CDK5RAP2: variants seen among roughly 807,000 people sequenced by gnomAD.
CDK5RAP2 encodes the protein CDK5 regulatory subunit-associated protein 2.
In CDK5RAP2, 147 loss-of-function variants were observed where a neutral mutation model predicts 232.9. The observed-to-expected ratio is 0.63, with a 90% CI of 0.55 to 0.72. CDK5RAP2 has a LOEUF of 0.72. Ranked by LOEUF, CDK5RAP2 falls within the 30% of genes least tolerant of loss-of-function variation. The pLI is 0.00. For synonymous variants in CDK5RAP2, 833 were observed against 833.7 expected (o/e 1.00, Z 0.01); for missense variants, 2,195 against 2,231.5 (o/e 0.98, Z 0.33).
At chr9:120,537,520 A>G (rs1176508755) in intron 6 of CDK5RAP2, among the ~76,000 whole-genome samples, 1 of 152,158 alleles carries the variant, frequency 6.6e-6, no homozygotes, top group Non-Finnish European at 1.5e-5. Flanking sequence ...CTGAGCAAGG[A>G]GCTTCATTCG....
chr9:120,433,483 GAAAC>G (rs2035397435), intron 25 of CDK5RAP2, among the ~76,000 whole-genome samples: 1 of 152,192 alleles, frequency 6.6e-6, no homozygotes, highest in South Asian at 2.1e-4. Context: ...GGTGAAAGAA[GAAAC>G]TGAGGCAAGG....
At chr9:120,436,864 G>A (rs1423936743) in intron 25 of CDK5RAP2, among the ~76,000 whole-genome samples, 2 of 151,940 alleles carry the variant, frequency 1.3e-5, no homozygotes, top group African/African-American at 2.4e-5. Context: ...CTTTTTAACT[G>A]ATAAAAATTT....
chr9:120,506,138 G>C (rs940077646), intron 12 of CDK5RAP2, among the ~76,000 whole-genome samples: 3 of 152,152 alleles, frequency 2.0e-5, no homozygotes, highest in African/African-American at 7.2e-5. Flanking sequence ...TAATGCAGCT[G>C]GTAACTTTAA....
At chr9:120,425,216 G>A (rs2034819336) in intron 25 of CDK5RAP2, among the ~76,000 whole-genome samples, 1 of 152,140 alleles carries the variant, frequency 6.6e-6, no homozygotes, top group Admixed American at 6.5e-5. Flanking sequence ...CGAGGAGCTT[G>A]CAACAACTCA....
intron 20 of CDK5RAP2, among the ~76,000 whole-genome samples, chr9:120,455,587 C>T (rs532585904): frequency 2.2e-4 from 34 of 151,812 alleles, no homozygotes; most frequent in African/African-American, 8.0e-4. Context: ...CAAAAAAATA[C>T]AAAAAATTAG....
At chr9:120,414,995 A>G (rs1400222806) in intron 28 of CDK5RAP2, 45 bp downstream of exon 28, 11 of 1,608,612 alleles carry the variant, frequency 6.8e-6, no homozygotes, top group Non-Finnish European at 9.4e-6. Flanking sequence ...GTCACAGTGA[A>G]GCACTCACAG....
At chr9:120,556,997 TA>T (rs1484430837) in intron 3 of CDK5RAP2, among the ~76,000 whole-genome samples, 1 of 152,194 alleles carries the variant, frequency 6.6e-6, no homozygotes, top group Non-Finnish European at 1.5e-5. Context: ...CAGCTACCAA[TA>T]AAATATTTAT....
chr9:120,432,972 G>A (rs571758442), intron 25 of CDK5RAP2, among the ~76,000 whole-genome samples: 1 of 152,300 alleles, frequency 6.6e-6, no homozygotes, highest in African/African-American at 2.4e-5. Flanking sequence ...TAGCTACAAG[G>A]AAGTAGGTTT....
In CDK5RAP2 at chr9:120,551,019, TACTAGAG is replaced by T. The variant is rs1352248485; in HGVS notation, c.196-124_196-118del. The T allele has an allele frequency of 4.2e-6, 3 of 715,628 alleles. No individual in the cohort carries two copies. The African/African-American group carries it at 5.3e-5, about 13-fold the overall frequency. 44.3% of individuals were successfully genotyped at this position (715,628 alleles called of 1,614,324 possible). A position where few individuals can be genotyped will look rare whatever the true frequency, so the allele number is the denominator to read the frequency against. Reference sequence around the variant, plus strand: ...CTACAAAACTGATTCAAATGTTAAATACTAGAGAAAGCTTATTTTTGCTACCATTCTA... The same window carrying T: ...CTACAAAACTGATTCAAATGTTAAATAAAGCTTATTTTTGCTACCATTCTA... On this transcript the variant is annotated intron_variant, in intron 3 of 37. Coordinates refer to ENST00000349780, the MANE Select transcript of CDK5RAP2 (RefSeq NM_018249.6).
chr9:120,525,619 CTTTT>C (rs200317852), intron 10 of CDK5RAP2, among the ~76,000 whole-genome samples: 3,098 of 148,122 alleles, frequency 0.021, 47 homozygotes, highest in East Asian at 0.039. Context: ...ACAATGTTGA[CTTTT>C]TTTTTTTCCT....
intron 27 of CDK5RAP2, among the ~76,000 whole-genome samples, chr9:120,417,560 C>T (rs1189589019): frequency 2.0e-5 from 3 of 152,226 alleles, no homozygotes; most frequent in Non-Finnish European, 4.4e-5. Context: ...TAGCAGCAAT[C>T]GAAACATGCC....
intron 15 of CDK5RAP2, among the ~76,000 whole-genome samples, chr9:120,472,436 T>C (rs559331162): frequency 6.6e-6 from 1 of 152,260 alleles, no homozygotes; most frequent in East Asian, 1.9e-4. Flanking sequence ...TGAGTGTCAC[T>C]TGGGCACCCG....
intron 7 of CDK5RAP2, among the ~76,000 whole-genome samples, chr9:120,534,880 G>A (rs1159418841): frequency 6.6e-6 from 1 of 152,216 alleles, no homozygotes; most frequent in Non-Finnish European, 1.5e-5. Flanking sequence ...CTTCACTGCT[G>A]ATGGGTTGGG....
intron 14 of CDK5RAP2, among the ~76,000 whole-genome samples, chr9:120,484,750 C>G (rs760761050): frequency 1.3e-5 from 2 of 152,024 alleles, no homozygotes; most frequent in African/African-American, 2.4e-5. Context: ...AATAAAGAGA[C>G]TGGGGCTCAC....
intron 16 of CDK5RAP2, among the ~76,000 whole-genome samples, chr9:120,470,645 AT>A (rs34808923): frequency 0.019 from 2,739 of 143,210 alleles, 27 homozygotes; most frequent in Admixed American, 0.034. Context: ...GTGTCTGATC[AT>A]TTTTTTTTTT....
In CDK5RAP2 at chr9:120,550,835, A is replaced by C. The variant is rs989026961; in HGVS notation, c.263T>G (p.Met88Arg). 3 of 1,613,332 alleles carry C rather than the reference A, an allele frequency of 1.9e-6. No individual in the cohort carries two copies. Among genetic ancestry groups the C allele is most frequent in the Non-Finnish European group, 2.5e-6 (3 of 1,179,392 alleles). ...KLRIYFLEERMQQEFHGPTEH... is the reference protein window; with the variant it reads ...KLRIYFLEERRQQEFHGPTEH... ...AGTGGGGCCATGAAATTCCTGTTGCATTCTTTCCTCAAGGAAATAGATGCG... is the reference window on the plus strand; with the variant it reads ...AGTGGGGCCATGAAATTCCTGTTGCCTTCTTTCCTCAAGGAAATAGATGCG... Residue 88 changes from methionine to arginine, a missense_variant, in exon 4 of 38, where the codon ATG becomes AGG. Transcript: ENST00000349780.
At chr9:120,469,307 C>T (rs890670320) in intron 17 of CDK5RAP2, among the ~76,000 whole-genome samples, 3 of 152,156 alleles carry the variant, frequency 2.0e-5, no homozygotes, top group African/African-American at 7.2e-5. Flanking sequence ...ATCAGGTGAG[C>T]TCACCCCCCC....
At chr9:120,518,165 C>CTGTGTGTGTGTGTGTGTG (rs56032707) in intron 12 of CDK5RAP2, among the ~76,000 whole-genome samples, 11 of 111,252 alleles carry the variant, frequency 9.9e-5, no homozygotes, top group African/African-American at 1.6e-4. Flanking sequence ...GATAACAACT[C>CTGTGTGTGTGTGTGTGTG]TGTGTGTGTG....
intron 1 of CDK5RAP2, among the ~76,000 whole-genome samples, chr9:120,573,280 G>A (rs571766553): frequency 6.6e-6 from 1 of 152,210 alleles, no homozygotes; most frequent in Non-Finnish European, 1.5e-5. Context: ...TGGGTGCAGT[G>A]ACTCATGCCT....
Sources: gnomAD v4.1 joint callset for allele counts (sites outside exome capture counted in the v4.1 genomes callset) on GRCh38, gnomAD v4.1.1 for gene constraint, MANE v1.5 for transcripts, NCBI Gene and HGNC (gene_info 2026-07-23, HGNC 2026-07-21) for gene names.